OXR1: variants seen among roughly 807,000 people sequenced by gnomAD.
OXR1 encodes oxidation resistance 1.
Under a neutral mutation model 104.6 loss-of-function variants are expected in OXR1, and 41 were observed. That is an observed-to-expected ratio of 0.39 (90% CI 0.31 to 0.51). OXR1 has a LOEUF of 0.51. Ranked by LOEUF, OXR1 falls within the 20% of genes least tolerant of loss-of-function variation. The probability of loss-of-function intolerance (pLI) is 0.77; values close to 1 mark genes in which losing one functional copy is unlikely to be tolerated. For synonymous variants in OXR1, 348 were observed against 348.4 expected (o/e 1.00, Z 0.01); for missense variants, 955 against 1,031.9 (o/e 0.93, Z 1.02).
chr8:106,439,563 T>G (rs559576249), intron 2 of OXR1, among the ~76,000 whole-genome samples: 1 of 152,142 alleles, frequency 6.6e-6, no homozygotes, highest in Non-Finnish European at 1.5e-5. Flanking sequence ...TGTTTTAAAT[T>G]CAGAAATTCT....
At chr8:106,292,973 G>A (rs1812819065) in intron 1 of OXR1, among the ~76,000 whole-genome samples, 1 of 152,208 alleles carries the variant, frequency 6.6e-6, no homozygotes, top group African/African-American at 2.4e-5. Context: ...CATTTAATGG[G>A]CTGTTGCTGT....
intron 3 of OXR1, among the ~76,000 whole-genome samples, chr8:106,624,212 C>A (rs1821960873): frequency 6.6e-6 from 1 of 152,176 alleles, no homozygotes; most frequent in Non-Finnish European, 1.5e-5. Flanking sequence ...CTGGGTCACT[C>A]AGGTCCTTTG....
At chr8:106,664,457 T>TAAA (rs1826075999) in intron 3 of OXR1, among the ~76,000 whole-genome samples, 1 of 152,232 alleles carries the variant, frequency 6.6e-6, no homozygotes, top group Non-Finnish European at 1.5e-5. Flanking sequence ...ATGGGAAGGT[T>TAAA]AGAAGTAAAT....
intron 7 of OXR1, among the ~76,000 whole-genome samples, chr8:106,699,486 C>T (rs981398261): frequency 2.6e-5 from 4 of 152,156 alleles, no homozygotes; most frequent in African/African-American, 4.8e-5. Flanking sequence ...TCTCCTTATT[C>T]AGGTATCATT....
rs1194588093 is a variant in OXR1, at chr8:106,740,449, G to A, written c.2270G>A (p.Gly757Asp). ...AAAACTCTTTATCGAACAATGACAGGTTTAGACACCCCAGTGCTGATGGTG... is the reference window on the plus strand; with the variant it reads ...AAAACTCTTTATCGAACAATGACAGATTTAGACACCCCAGTGCTGATGGTG... ...SLKTLYRTMT[G>D]LDTPVLMVIK... Residue 757 changes from glycine (G) to aspartate (D), a missense_variant, in exon 14 of 17, where the codon GGT becomes GAT. Physicochemically the swap from Gly to Asp is moderately conservative, Grantham distance 94 (BLOSUM62 -1). Coordinates refer to ENST00000517566, the MANE Select transcript of OXR1 (RefSeq NM_001198533.2). The A allele has an allele frequency of 1.2e-6, 2 of 1,613,174 alleles. No homozygotes were observed. The highest frequency in any genetic ancestry group is 1.7e-5 in the Admixed American group (1 of 59,972).
At chr8:106,513,296 T>G in intron 2 of OXR1, among the ~76,000 whole-genome samples, 1 of 152,020 alleles carries the variant, frequency 6.6e-6, no homozygotes, top group East Asian at 1.9e-4. Context: ...AGTAGGAAAG[T>G]CAAGATCCCT....
intron 2 of OXR1, among the ~76,000 whole-genome samples, chr8:106,387,580 AC>A (rs1430621310): frequency 1.3e-5 from 2 of 152,210 alleles, no homozygotes; most frequent in African/African-American, 4.8e-5. Flanking sequence ...TGGAATACTT[AC>A]CTTTTAATGG....
At chr8:106,343,201 G>A (rs569294198) in intron 1 of OXR1, among the ~76,000 whole-genome samples, 8 of 152,260 alleles carry the variant, frequency 5.3e-5, no homozygotes, top group African/African-American at 1.9e-4. Context: ...AATGCCACTG[G>A]AATGGTGTGT....
At position 106,658,145 on chromosome 8, in the gene OXR1, G is replaced by C. The variant is rs757335388; in HGVS notation, c.221-21065G>C. 290 of 1,245,306 alleles carry C rather than the reference G, an allele frequency of 2.3e-4. 1 individual carries two copies. In the Middle Eastern group the frequency reaches 4.4e-3, roughly 19 times the overall value. The allele number at this position is 1,245,306 out of a possible 1,614,324, so 77.1% of individuals were successfully genotyped here. ...AGGGGGACCTCGGGTGCGGGTCCCCGCCCCACCGGCCCCCGGCGCCGTCCA... is the reference window on the plus strand; with the variant it reads ...AGGGGGACCTCGGGTGCGGGTCCCCCCCCCACCGGCCCCCGGCGCCGTCCA... On this transcript the variant is annotated intron_variant, in intron 3 of 16. Coordinates refer to ENST00000517566, the MANE Select transcript of OXR1 (RefSeq NM_001198533.2).
At position 106,702,920 on chromosome 8, in the gene OXR1, T is replaced by C; in HGVS notation, c.690T>C (p.Gly230=). The part of the protein sequence containing the change: ...YITSGKGTVS[G]VLLVTPNNIM... The stretch of plus-strand genomic sequence containing the variant: ...TTTCACCTTAGGGCACAGTCAGTGG[T>C]GTGCTGCTAGTTACACCAAATAATA... Residue 230 remains glycine (G), a synonymous_variant, in exon 8 of 17, where the codon GGT becomes GGC. Transcript: ENST00000517566. The C allele has an allele frequency of 6.8e-6, 11 of 1,613,340 alleles. No individual in the cohort carries two copies. Among genetic ancestry groups the C allele is most frequent in the Non-Finnish European group, 9.3e-6 (11 of 1,179,446 alleles).
chr8:106,658,521 T>C (rs918779896), intron 3 of OXR1, among the ~76,000 whole-genome samples: 1 of 152,190 alleles, frequency 6.6e-6, no homozygotes, highest in Non-Finnish European at 1.5e-5. Flanking sequence ...ACTGAACCAG[T>C]TATGACGTCC....
intron 2 of OXR1, among the ~76,000 whole-genome samples, chr8:106,403,249 T>A (rs1818076698): frequency 6.6e-6 from 1 of 152,238 alleles, no homozygotes; most frequent in Admixed American, 6.5e-5. Context: ...TCGAGAAACA[T>A]CATGATCAAC....
At chr8:106,698,150 G>A (rs1365126413) in intron 7 of OXR1, 4 of 613,542 alleles carry the variant, frequency 6.5e-6, no homozygotes, top group Admixed American at 2.9e-5. Flanking sequence ...CATTTTCAAA[G>A]GATATTTTCA....
intron 9 of OXR1, among the ~76,000 whole-genome samples, chr8:106,710,293 A>G (rs1456506579): frequency 1.3e-5 from 2 of 149,300 alleles, no homozygotes; most frequent in African/African-American, 2.4e-5. Context: ...AAAATTATAT[A>G]TATATTATGT....
Position 106,652,091 on chromosome 8 carries a change from G to C in OXR1, c.221-27119G>C, listed in dbSNP as rs914382669. Among the ~76,000 whole-genome samples the C allele has an allele frequency of 2.0e-5, 3 of 151,918 alleles. No individual in the cohort carries two copies. In the East Asian group the frequency reaches 5.8e-4, roughly 29 times the overall value. ...TTTTTGTAATGTGTCTATTTGCAGG[G>C]GTATCTCTTTCTAATCGCACAAAAA... On this transcript the variant is annotated intron_variant, in intron 3 of 16. Coordinates refer to ENST00000517566, the MANE Select transcript of OXR1 (RefSeq NM_001198533.2).
intron 2 of OXR1, among the ~76,000 whole-genome samples, chr8:106,458,710 T>C (rs1297077571): frequency 6.6e-6 from 1 of 152,066 alleles, no homozygotes; most frequent in Non-Finnish European, 1.5e-5. Flanking sequence ...TGGGACTGCC[T>C]GAGGCCTTAG....
At chr8:106,319,536 A>G (rs1814122672) in intron 1 of OXR1, among the ~76,000 whole-genome samples, 1 of 152,226 alleles carries the variant, frequency 6.6e-6, no homozygotes, top group Non-Finnish European at 1.5e-5. Context: ...GAGAAAATCA[A>G]ACTCTAAGGG....
rs1397222819 is a variant in OXR1 at position 106,359,634 on chromosome 8, A to G, written c.21A>G (p.Ser7=). 1 of 1,545,536 alleles carries G rather than the reference A, an allele frequency of 6.5e-7. No homozygotes were observed. The highest frequency in any genetic ancestry group is 8.8e-7 in the Non-Finnish European group (1 of 1,141,152). The change falls in exon 2 of 17, where the codon TCA becomes TCG. Residue 7 remains serine (S), a splice_region_variant and synonymous_variant. Coordinates refer to ENST00000517566, the MANE Select transcript of OXR1 (RefSeq NM_001198533.2). ...CTGCAATGTCTGTGTCTAATCTATC[A>G]TGGTGAGTGAATGGTTTTCTTGCCT... MSVSNL[S]WLKKKSQSVD...
intron 3 of OXR1, among the ~76,000 whole-genome samples, chr8:106,533,940 C>G (rs941076440): frequency 5.9e-5 from 9 of 151,978 alleles, no homozygotes; most frequent in Non-Finnish European, 1.2e-4. Flanking sequence ...CTTGAACTCC[C>G]AACGTCAGGT....
Sources: gnomAD v4.1 joint callset for allele counts (sites outside exome capture counted in the v4.1 genomes callset) on GRCh38, gnomAD v4.1.1 for gene constraint, MANE v1.5 for transcripts, NCBI Gene and HGNC (gene_info 2026-07-23, HGNC 2026-07-21) for gene names.